Variants in SHB observed in about 807,000 individuals in gnomAD.
SHB encodes the protein SH2 domain-containing adapter protein B.
In SHB, 20 loss-of-function variants were observed where a neutral mutation model predicts 52.3. That is an observed-to-expected ratio of 0.38 (90% CI 0.27 to 0.56). The LOEUF (loss-of-function observed/expected upper bound fraction) is 0.56. Ranked by LOEUF, SHB falls within the 20% of genes least tolerant of loss-of-function variation. The pLI is 0.71. For synonymous variants in SHB, 397 were observed against 316.5 expected (o/e 1.25, Z -2.70); for missense variants, 825 against 723.3 (o/e 1.14, Z -1.61).
intron 3 of SHB, among the ~76,000 whole-genome samples, chr9:37,963,063 C>T (rs1320108488): frequency 1.3e-5 from 2 of 152,126 alleles, no homozygotes; most frequent in Non-Finnish European, 2.9e-5. Flanking sequence ...TGGGCAGCCT[C>T]CCCAACCCAG....
At chr9:37,962,545 C>T (rs1832704537) in intron 3 of SHB, among the ~76,000 whole-genome samples, 1 of 150,672 alleles carries the variant, frequency 6.6e-6, no homozygotes. Context: ...CTCATTCTGT[C>T]GCTCAGGCTG....
chr9:38,030,071 A>G (rs1400825695), intron 1 of SHB, among the ~76,000 whole-genome samples: 1 of 152,214 alleles, frequency 6.6e-6, no homozygotes, highest in Non-Finnish European at 1.5e-5. Context: ...GAAGGGCTGC[A>G]GTCTGCCCTA....
chr9:37,940,373 T>C (rs1284585481), intron 5 of SHB, among the ~76,000 whole-genome samples: 1 of 152,258 alleles, frequency 6.6e-6, no homozygotes, highest in African/African-American at 2.4e-5. Flanking sequence ...CTGCACATTC[T>C]AAAGTTCACT....
intron 3 of SHB, among the ~76,000 whole-genome samples, chr9:37,973,275 G>C (rs1820612517): frequency 6.6e-6 from 1 of 152,196 alleles, no homozygotes; most frequent in African/African-American, 2.4e-5. Flanking sequence ...CCAGGCTGGA[G>C]TGCAATGGTG....
chr9:37,918,334 C>T lies in SHB; in HGVS notation c.*1487G>A, dbSNP rs1228489899. Among the ~76,000 whole-genome samples, 1 of 152,100 alleles carries T rather than the reference C, an allele frequency of 6.6e-6. No homozygotes were observed. Among genetic ancestry groups the T allele is most frequent in the Non-Finnish European group, 1.5e-5 (1 of 68,038 alleles). On this transcript the variant is annotated 3_prime_UTR_variant, in exon 6 of 6. Coordinates refer to ENST00000377707, the MANE Select transcript of SHB (RefSeq NM_003028.3). ...GGCTGCCTGGCCTGTGTGGGAGGAC[C>T]CTGCTATGGCAAGCAAGAGAGAGGT...
intron 3 of SHB, among the ~76,000 whole-genome samples, chr9:37,963,160 G>A (rs749205146): frequency 6.6e-6 from 1 of 152,164 alleles, no homozygotes; most frequent in Non-Finnish European, 1.5e-5. Flanking sequence ...CCAAGGGTGC[G>A]GGCAGTGGCC....
intron 5 of SHB, among the ~76,000 whole-genome samples, chr9:37,927,129 C>A (rs1270430331): frequency 6.6e-6 from 1 of 152,232 alleles, no homozygotes; most frequent in African/African-American, 2.4e-5. Flanking sequence ...GCCAGGGGAC[C>A]AGGATGTAAG....
chr9:37,941,415 C>T (rs1564083807), intron 5 of SHB, among the ~76,000 whole-genome samples: 5 of 152,246 alleles, frequency 3.3e-5, no homozygotes. Flanking sequence ...CTTTGCCCAA[C>T]ACTACCCTGT....
At chr9:37,951,547 T>C (rs751681517) in intron 4 of SHB, among the ~76,000 whole-genome samples, 3 of 152,168 alleles carry the variant, frequency 2.0e-5, no homozygotes, top group Non-Finnish European at 2.9e-5. Flanking sequence ...AACATTTTAC[T>C]AGGAAAACAA....
intron 1 of SHB, among the ~76,000 whole-genome samples, chr9:38,029,222 T>C (rs953472714): frequency 6.6e-6 from 1 of 152,280 alleles, no homozygotes; most frequent in South Asian, 2.1e-4. Context: ...TGTGAGTAAA[T>C]GCTGGGGGAG....
chr9:37,935,553 G>A (rs1292533194), intron 5 of SHB, among the ~76,000 whole-genome samples: 1 of 152,094 alleles, frequency 6.6e-6, no homozygotes, highest in African/African-American at 2.4e-5. Context: ...GAGTTGCTGT[G>A]GGGAGTCAGA....
At chr9:37,924,017 G>A (rs914685971) in intron 5 of SHB, among the ~76,000 whole-genome samples, 4 of 152,210 alleles carry the variant, frequency 2.6e-5, no homozygotes, top group Admixed American at 6.5e-5. Context: ...CATTGCCCCC[G>A]GGGAGCTTCA....
At chr9:38,044,782 C>T (rs1821628323) in intron 1 of SHB, among the ~76,000 whole-genome samples, 1 of 152,244 alleles carries the variant, frequency 6.6e-6, no homozygotes, top group African/African-American at 2.4e-5. Context: ...ATCAACCTCT[C>T]TGAGATCACT....
At chr9:37,969,951 G>A (rs994840260) in intron 3 of SHB, among the ~76,000 whole-genome samples, 3 of 152,230 alleles carry the variant, frequency 2.0e-5, no homozygotes, top group Non-Finnish European at 4.4e-5. Context: ...GGCCTTGCTG[G>A]TTGCTGTAAA....
chr9:37,992,388 C>T (rs906557901), intron 2 of SHB, among the ~76,000 whole-genome samples: 9 of 151,910 alleles, frequency 5.9e-5, no homozygotes, highest in Non-Finnish European at 1.0e-4. Context: ...GCAACAAGAG[C>T]GAAATTCCAT....
At chr9:37,927,289 A>C (rs1371966754) in intron 5 of SHB, among the ~76,000 whole-genome samples, 1 of 152,256 alleles carries the variant, frequency 6.6e-6, no homozygotes, top group Admixed American at 6.5e-5. Context: ...CATCCTGCCC[A>C]CAGCTTCCAA....
chr9:38,058,183 C>T (rs1179947699), intron 1 of SHB, among the ~76,000 whole-genome samples: 1 of 152,232 alleles, frequency 6.6e-6, no homozygotes, highest in African/African-American at 2.4e-5. Flanking sequence ...ATGCCCCATC[C>T]ACACCTTCCT....
At chr9:37,999,112 G>A (rs1178207349) in intron 2 of SHB, among the ~76,000 whole-genome samples, 1 of 152,180 alleles carries the variant, frequency 6.6e-6, no homozygotes, top group Non-Finnish European at 1.5e-5. Flanking sequence ...GCTGGACCCT[G>A]GGAACCCTAT....
At chr9:37,960,976 T>C (rs1464794164) in intron 3 of SHB, among the ~76,000 whole-genome samples, 1 of 152,192 alleles carries the variant, frequency 6.6e-6, no homozygotes, top group African/African-American at 2.4e-5. Context: ...TGAGGGCTGC[T>C]GGTCTGGCAG....
Sources: gnomAD v4.1 joint callset for allele counts (sites outside exome capture counted in the v4.1 genomes callset) on GRCh38, gnomAD v4.1.1 for gene constraint, MANE v1.5 for transcripts, NCBI Gene and HGNC (gene_info 2026-07-23, HGNC 2026-07-21) for gene names.